Variants in SCHIP1 observed in about 807,000 individuals in gnomAD.
SCHIP1 encodes the protein schwannomin interacting protein 1, also known as schwannomin-interacting protein 1.
In SCHIP1, 8 loss-of-function variants were observed where a neutral mutation model predicts 29.7. That is an observed-to-expected ratio of 0.27 (90% CI 0.16 to 0.49). The LOEUF is 0.49. SCHIP1 is among the 20% of genes least tolerant of loss of function. The probability of loss-of-function intolerance (pLI) is 0.99; values close to 1 mark genes in which losing one functional copy is unlikely to be tolerated. For synonymous variants in SCHIP1, 76 were observed against 94.9 expected (o/e 0.80, Z 1.16); for missense variants, 193 against 294.6 (o/e 0.66, Z 2.52).
chr3:159,608,697 T>C, the SCHIP1 span, among the ~76,000 whole-genome samples: 239 of 152,356 alleles, frequency 1.6e-3, 1 homozygote, highest in African/African-American at 5.5e-3. Flanking sequence ...AGCAAGAGTC[T>C]AACTCTGCTT....
chr3:159,432,774 G>T, the SCHIP1 span, among the ~76,000 whole-genome samples: 1 of 152,212 alleles, frequency 6.6e-6, no homozygotes, highest in Non-Finnish European at 1.5e-5. Context: ...GCCTCAGACA[G>T]TACAGGGCAG....
the SCHIP1 span, among the ~76,000 whole-genome samples, chr3:159,625,408 C>T: frequency 6.6e-6 from 1 of 152,106 alleles, no homozygotes; most frequent in Non-Finnish European, 1.5e-5. Flanking sequence ...AACCAGGAAG[C>T]TTATGGGGAC....
the SCHIP1 span, among the ~76,000 whole-genome samples, chr3:159,411,113 G>A: frequency 7.9e-5 from 12 of 151,856 alleles, no homozygotes; most frequent in African/African-American, 1.9e-4. Flanking sequence ...TAGAATAATA[G>A]TTACCATAGG....
the SCHIP1 span, among the ~76,000 whole-genome samples, chr3:159,663,158 G>A: frequency 6.6e-6 from 1 of 152,134 alleles, no homozygotes; most frequent in East Asian, 1.9e-4. Context: ...TAGGTCTCCA[G>A]GAACATGTAT....
chr3:159,774,187 T>C, the SCHIP1 span, among the ~76,000 whole-genome samples: 2 of 103,150 alleles, frequency 1.9e-5, no homozygotes, highest in Non-Finnish European at 4.1e-5. Context: ...TTGTTTCATA[T>C]CCAGGATAGT....
chr3:159,293,997 C>T, the SCHIP1 span, among the ~76,000 whole-genome samples: 1 of 152,096 alleles, frequency 6.6e-6, no homozygotes, highest in Non-Finnish European at 1.5e-5. Flanking sequence ...CAGTACTGTC[C>T]AAAGACAGTA....
At chr3:159,541,553 T>C in the SCHIP1 span, among the ~76,000 whole-genome samples, 1 of 151,982 alleles carries the variant, frequency 6.6e-6, no homozygotes, top group African/African-American at 2.4e-5. Flanking sequence ...CTGATAGATT[T>C]ATGGATATCT....
chr3:159,709,915 T>C, the SCHIP1 span, among the ~76,000 whole-genome samples: 1 of 152,222 alleles, frequency 6.6e-6, no homozygotes, highest in Admixed American at 6.5e-5. Flanking sequence ...GTAGAATGGC[T>C]ATTATCAAAA....
chr3:159,328,704 C>A, the SCHIP1 span, among the ~76,000 whole-genome samples: 1 of 152,082 alleles, frequency 6.6e-6, no homozygotes, highest in Non-Finnish European at 1.5e-5. Context: ...GTGGGCCAGG[C>A]TGGGTGTTTG....
At chr3:159,282,929 C>T in the SCHIP1 span, among the ~76,000 whole-genome samples, 1 of 151,676 alleles carries the variant, frequency 6.6e-6, no homozygotes, top group Non-Finnish European at 1.5e-5. Flanking sequence ...TGGTCAGACT[C>T]ATTCCAGATA....
At chr3:159,371,704 T>G in the SCHIP1 span, among the ~76,000 whole-genome samples, 1 of 152,160 alleles carries the variant, frequency 6.6e-6, no homozygotes, top group Non-Finnish European at 1.5e-5. Flanking sequence ...TGGGTAGTAC[T>G]TGCACATAGC....
chr3:159,835,177 C>T (rs893680953), upstream of SCHIP1, among the ~76,000 whole-genome samples: 10 of 152,280 alleles, frequency 6.6e-5, no homozygotes, highest in African/African-American at 1.9e-4. Flanking sequence ...CCCAATACTT[C>T]ATTTTTTCTA....
the SCHIP1 span, among the ~76,000 whole-genome samples, chr3:159,549,968 T>C: frequency 1.3e-5 from 2 of 150,500 alleles, no homozygotes; most frequent in Admixed American, 6.7e-5. Flanking sequence ...TACATGTTTA[T>C]CAATTTTATT....
the SCHIP1 span, among the ~76,000 whole-genome samples, chr3:159,822,201 C>T: frequency 6.6e-6 from 1 of 151,952 alleles, no homozygotes; most frequent in Non-Finnish European, 1.5e-5. Context: ...TGAATTTATC[C>T]ACAGGTGGGA....
the SCHIP1 span, among the ~76,000 whole-genome samples, chr3:159,611,331 T>C: frequency 6.6e-6 from 1 of 152,004 alleles, no homozygotes; most frequent in Non-Finnish European, 1.5e-5. Flanking sequence ...ATACGAGCTC[T>C]TGCAATACTA....
intron 5 of SCHIP1, among the ~76,000 whole-genome samples, chr3:159,890,520 G>A (rs372528842): frequency 3.9e-5 from 6 of 152,132 alleles, no homozygotes; most frequent in African/African-American, 9.7e-5. Flanking sequence ...ATTGAATATT[G>A]TTTTAAAATT....
At chr3:159,403,750 T>C in the SCHIP1 span, among the ~76,000 whole-genome samples, 5 of 152,154 alleles carry the variant, frequency 3.3e-5, no homozygotes, top group East Asian at 9.6e-4. Flanking sequence ...CATGTCCTGA[T>C]GATGTTCTGG....
the SCHIP1 span, among the ~76,000 whole-genome samples, chr3:159,790,759 AT>A: frequency 1.3e-5 from 2 of 152,040 alleles, no homozygotes; most frequent in African/African-American, 4.8e-5. Context: ...ATACTTATAC[AT>A]TTCATATTTT....
chr3:159,529,178 G>A, the SCHIP1 span, among the ~76,000 whole-genome samples: 11 of 152,242 alleles, frequency 7.2e-5, no homozygotes, highest in African/African-American at 2.4e-4. Flanking sequence ...TAGAAGTAAA[G>A]GGATATCTAA....
Sources: gnomAD v4.1 joint callset for allele counts (sites outside exome capture counted in the v4.1 genomes callset) on GRCh38, gnomAD v4.1.1 for gene constraint, MANE v1.5 for transcripts, NCBI Gene and HGNC (gene_info 2026-07-23, HGNC 2026-07-21) for gene names.